Variants in PCDHA7 observed in about 807,000 individuals in gnomAD.
The protein encoded by PCDHA7 is protocadherin alpha-7.
A neutral mutation model predicts 57.2 loss-of-function variants in PCDHA7; 37 were observed. The observed-to-expected ratio is 0.65, with a 90% confidence interval of 0.50 to 0.85. The LOEUF (loss-of-function observed/expected upper bound fraction) is 0.85. Ranked by LOEUF, PCDHA7 falls within the 40% of genes least tolerant of loss-of-function variation. The probability of loss-of-function intolerance (pLI) is 0.00; values close to 1 mark genes in which losing one functional copy is unlikely to be tolerated. For synonymous variants in PCDHA7, 553 were observed against 558.8 expected (o/e 0.99, Z 0.15); for missense variants, 1,188 against 1,241.8 (o/e 0.96, Z 0.65).
rs1469484046 is a variant in PCDHA7 at position 141,010,169 on chromosome 5, C to G, written c.*232C>G. ...CTCCACTCTGGCTTGTTTTCAGAAC[C>G]TAAAAAGCAGACCCAAGTTTCCTTT... On this transcript the variant is annotated 3_prime_UTR_variant, in exon 4 of 4. Coordinates refer to ENST00000525929, the MANE Select transcript of PCDHA7 (RefSeq NM_018910.3). 6.4e-7 allele frequency: 1 copy of G among 1,560,124 alleles called. No homozygotes were observed. The highest frequency in any genetic ancestry group is 8.7e-7 in the Non-Finnish European group (1 of 1,151,276).
Position 141,010,120 on chromosome 5 carries a change from C to T in PCDHA7, c.*183C>T, listed in dbSNP as rs1554262685. 6.2e-7 allele frequency: 1 copy of T among 1,607,404 alleles called. No homozygotes were observed. Among genetic ancestry groups the T allele is most frequent in the Admixed American group, 1.7e-5 (1 of 58,482 alleles). ...AACAGGTTTTGTCGTAAAAGCTTTACTAAGTCTGGTGTTAACTCTTTCTCT... is the reference window on the plus strand; with the variant it reads ...AACAGGTTTTGTCGTAAAAGCTTTATTAAGTCTGGTGTTAACTCTTTCTCT... On this transcript the variant is annotated 3_prime_UTR_variant, in exon 4 of 4. Coordinates refer to ENST00000525929, the MANE Select transcript of PCDHA7 (RefSeq NM_018910.3).
chr5:140,969,506 G>T, intron 1 of PCDHA7: 1 of 1,427,058 alleles, frequency 7.0e-7, no homozygotes, highest in Non-Finnish European at 9.3e-7. Flanking sequence ...TAGAAAAATA[G>T]CACTAAAGAA....
chr5:140,921,257 A>G lies in PCDHA7; in HGVS notation c.2356-57692A>G, dbSNP rs115706395. On this transcript the variant is annotated intron_variant, in intron 1 of 3. Coordinates refer to ENST00000525929, the MANE Select transcript of PCDHA7 (RefSeq NM_018910.3). The stretch of plus-strand genomic sequence containing the variant: ...ATTAAGCCACAGATCAAAAAGTCCT[A>G]GACTTTTATACTTACTTGAAAAAAA... 1.4e-3 allele frequency among the ~76,000 whole-genome samples: 213 copies of G among 152,258 alleles called. 1 individual carries two copies. The highest frequency in any genetic ancestry group is 4.8e-3 in the African/African-American group (199 of 41,532).
intron 1 of PCDHA7, chr5:140,927,429 C>T: frequency 6.2e-7 from 1 of 1,614,118 alleles, no homozygotes; most frequent in Non-Finnish European, 8.5e-7. Flanking sequence ...GGGTTGACGG[C>T]AGCGAATACC....
At chr5:140,965,436 G>A (rs1389592396) in intron 1 of PCDHA7, among the ~76,000 whole-genome samples, 1 of 152,038 alleles carries the variant, frequency 6.6e-6, no homozygotes, top group Non-Finnish European at 1.5e-5. Flanking sequence ...TGCAGTCATT[G>A]AAATTGCTGG....
chr5:140,963,109 T>G (rs1490746394), intron 1 of PCDHA7, among the ~76,000 whole-genome samples: 1 of 152,128 alleles, frequency 6.6e-6, no homozygotes, highest in Non-Finnish European at 1.5e-5. Context: ...TCAGGTTGCT[T>G]ATAATTAAAG....
rs2150236253 is a variant in PCDHA7, at chr5:140,835,458, A to G, written c.1075A>G (p.Ile359Val). 2.8e-5 allele frequency: 45 copies of G among 1,613,760 alleles called. No homozygotes were observed. Among genetic ancestry groups the G allele is most frequent in the East Asian group, 4.5e-5 (2 of 44,842 alleles). ...QLTLTSLSLPIPEDAQPGTVI... is the reference protein window; with the variant it reads ...QLTLTSLSLPVPEDAQPGTVI... ...GACTCTCACTTCCCTGTCTCTCCCT[A>G]TTCCAGAGGACGCCCAACCAGGTAC... Residue 359 changes from isoleucine (I) to valine (V), a missense_variant, in exon 1 of 4, where the codon ATT (isoleucine) becomes GTT (valine). By Grantham distance (29) the Ile-to-Val change is conservative (BLOSUM62 3). This residue lies in a region of PCDHA7 where 892 missense variants were observed against 788.5 expected (regional missense o/e 1.13). Transcript: ENST00000525929.
At chr5:140,963,517 T>C (rs2095769422) in intron 1 of PCDHA7, among the ~76,000 whole-genome samples, 1 of 152,238 alleles carries the variant, frequency 6.6e-6, no homozygotes, top group East Asian at 1.9e-4. Flanking sequence ...GGGGTTCTCA[T>C]AACAGAAGTC....
intron 1 of PCDHA7, chr5:140,861,521 G>A: frequency 2.2e-6 from 1 of 460,574 alleles, no homozygotes; most frequent in Admixed American, 2.2e-5. Flanking sequence ...TGTGTGGGAG[G>A]ATCTCGGAGT....
intron 1 of PCDHA7, chr5:140,966,716 G>T: frequency 1.4e-6 from 2 of 1,394,682 alleles, no homozygotes; most frequent in Non-Finnish European, 9.2e-7. Context: ...CACGGCTGGG[G>T]AAGCTGCCGC....
At chr5:140,870,590 G>C in intron 1 of PCDHA7, 1 of 1,613,564 alleles carries the variant, frequency 6.2e-7, no homozygotes, top group Non-Finnish European at 8.5e-7. Context: ...CTGGTGGAGC[G>C]GCGGTTGGGC....
chr5:140,859,289 ATACTT>A (rs1272125290), intron 1 of PCDHA7: 2 of 129,084 alleles, frequency 1.5e-5, no homozygotes, highest in African/African-American at 5.5e-5. Context: ...GAGACTGAAA[ATACTT>A]TAGTATGAAT....
chr5:140,892,424 C>T (rs1288815822), intron 1 of PCDHA7, among the ~76,000 whole-genome samples: 1 of 152,040 alleles, frequency 6.6e-6, no homozygotes, highest in Non-Finnish European at 1.5e-5. Context: ...CTAGATAAAA[C>T]CTCATTATCT....
chr5:140,875,349 CTG>C, intron 1 of PCDHA7: 1 of 1,444,894 alleles, frequency 6.9e-7, no homozygotes, highest in Non-Finnish European at 9.1e-7. Context: ...TCCATAATGA[CTG>C]TGATGCTGGA....
intron 1 of PCDHA7, chr5:140,857,094 T>G (rs781941290): frequency 4.4e-6 from 7 of 1,596,938 alleles, no homozygotes; most frequent in Non-Finnish European, 6.0e-6. Flanking sequence ...TCACCTGAGG[T>G]GATTGTCACT....
intron 1 of PCDHA7, chr5:140,882,538 C>A: frequency 6.2e-7 from 1 of 1,614,170 alleles, no homozygotes; most frequent in Non-Finnish European, 8.5e-7. Context: ...ATTCTCGGAT[C>A]GACCGCGAGG....
chr5:140,975,953 T>C (rs1554237158), intron 1 of PCDHA7, among the ~76,000 whole-genome samples: 1 of 152,084 alleles, frequency 6.6e-6, no homozygotes, highest in East Asian at 1.9e-4. Flanking sequence ...CATATTAGAG[T>C]TCTTCACCAA....
Position 141,010,957 on chromosome 5 carries a change from C to CT in PCDHA7, c.*1021dup, listed in dbSNP as rs1342734442. The CT allele has an allele frequency of 6.5e-5, 10 of 153,858 alleles. No homozygotes were observed. Among genetic ancestry groups the CT allele is most frequent in the African/African-American group, 2.4e-4 (10 of 41,554 alleles). The allele number at this position is 153,858 out of a possible 1,614,324, so 9.5% of individuals were successfully genotyped here. A position where few individuals can be genotyped will look rare whatever the true frequency, so the allele number is the denominator to read the frequency against. On this transcript the variant is annotated 3_prime_UTR_variant, in exon 4 of 4. Coordinates refer to ENST00000525929, the MANE Select transcript of PCDHA7 (RefSeq NM_018910.3). ...ACAGCCATTTAAATGATCATTGCTG[C>CT]TACAGAAGTGCTTTAAGAGAATTGC...
chr5:140,991,981 T>TACC (rs1311484629), intron 3 of PCDHA7, among the ~76,000 whole-genome samples: 8 of 152,126 alleles, frequency 5.3e-5, no homozygotes, highest in Admixed American at 2.0e-4. Flanking sequence ...TTATTCTGCC[T>TACC]ACCACCCGGT....
Sources: allele counts gnomAD v4.1 joint callset (sites outside exome capture counted in the v4.1 genomes callset), GRCh38; gene constraint gnomAD v4.1.1; regional missense constraint gnomAD v4.1.1; transcripts MANE v1.5; gene names NCBI Gene and HGNC (gene_info 2026-07-23, HGNC 2026-07-21).